Variants in VEGFD observed in about 807,000 individuals in gnomAD.
VEGFD encodes the protein vascular endothelial growth factor D, also known as c-fos induced growth factor (vascular endothelial growth factor D).
VEGFD carries 26 observed loss-of-function variants against 28.0 expected under a neutral mutation model. The observed-to-expected ratio is 0.93, with a 90% CI of 0.68 to 1.29. The LOEUF (loss-of-function observed/expected upper bound fraction) is 1.29. Ranked by LOEUF, VEGFD falls within the 50% of genes most tolerant of loss-of-function variation. The pLI is 0.00. For missense variants in VEGFD, 294 were observed against 273.4 expected (o/e 1.08, Z -0.53); for synonymous variants, 93 against 95.5 (o/e 0.97, Z 0.15).
At chrX:15,355,663 A>G (rs753928459) in intron 3 of VEGFD, among the ~76,000 whole-genome samples, 1 of 112,603 alleles carries the variant, frequency 8.9e-6, no homozygotes, top group Non-Finnish European at 1.9e-5. Context: ...TCTCTATTGA[A>G]GAAATATAGT....
Position 15,355,768 on chromosome X carries a change from G to A in VEGFD, c.493-470C>T, listed in dbSNP as rs1033029977. Among the ~76,000 whole-genome samples the A allele has an allele frequency of 2.7e-5, 3 of 112,147 alleles. No homozygotes were observed. In the Admixed American group the frequency reaches 2.8e-4, roughly 11 times the overall value. ...AGAAGTACAAATTTGAACTGTGCAT[G>A]TTTTATGGGGCTTGTTTTCTCAAAC... On this transcript the variant is annotated intron_variant, in intron 3 of 6. Coordinates refer to ENST00000297904, the MANE Select transcript of VEGFD (RefSeq NM_004469.5).
rs759361308 is a variant in VEGFD at position 15,363,165 on chromosome X, G to A, written c.245C>T (p.Ala82Val). Reference protein sequence around the residue: ...KSFTSMDSRSASHRSTRFAAT... With the variant: ...KSFTSMDSRSVSHRSTRFAAT... ...CGCAAACCTAGTGGACCGATGGGAT[G>A]CTGAGCGAGAGTCCATACTGGTAAA... The change falls in exon 2 of 7, where the codon GCA becomes GTA. Residue 82 changes from alanine to valine, a missense_variant. By Grantham distance (64) the Ala-to-Val change is moderately conservative (BLOSUM62 0). Coordinates refer to ENST00000297904, the MANE Select transcript of VEGFD (RefSeq NM_004469.5). 1.7e-6 allele frequency: 2 copies of A among 1,211,402 alleles called. No homozygotes were observed. The highest frequency in any genetic ancestry group is 2.2e-6 in the Non-Finnish European group (2 of 895,381).
intron 3 of VEGFD, among the ~76,000 whole-genome samples, chrX:15,356,596 G>A (rs1922873356): frequency 8.9e-6 from 1 of 111,938 alleles, no homozygotes; most frequent in Admixed American, 9.5e-5. Context: ...GAGTCTCAGT[G>A]AGAGTGTTTT....
At chrX:15,380,681 T>A (rs1163767443) in intron 1 of VEGFD, among the ~76,000 whole-genome samples, 1 of 113,027 alleles carries the variant, frequency 8.8e-6, no homozygotes, top group Non-Finnish European at 1.9e-5. Flanking sequence ...ACTCACAGAA[T>A]TTCTGGGGGA....
At chrX:15,380,542 A>C (rs894216215) in intron 1 of VEGFD, among the ~76,000 whole-genome samples, 5 of 112,849 alleles carry the variant, frequency 4.4e-5, no homozygotes, top group African/African-American at 1.6e-4. Flanking sequence ...AGAAAGAAAC[A>C]AATTCTGTCA....
chrX:15,381,529 TA>T (rs35184475), intron 1 of VEGFD, among the ~76,000 whole-genome samples: 3,584 of 86,225 alleles, frequency 0.042, 56 homozygotes, highest in South Asian at 0.16. Flanking sequence ...TTTCAAAAAG[TA>T]AAAAAAAAAA....
chrX:15,383,810 G>T, intron 1 of VEGFD, 47 bp downstream of exon 1: 1 of 984,780 alleles, frequency 1.0e-6, no homozygotes, highest in Non-Finnish European at 1.4e-6. Context: ...TCCTCTGTAT[G>T]AGCCAATAAA....
chrX:15,372,156 T>C (rs755317792), intron 1 of VEGFD, among the ~76,000 whole-genome samples: 1 of 112,101 alleles, frequency 8.9e-6, no homozygotes, highest in African/African-American at 3.2e-5. Flanking sequence ...AAGATATTTG[T>C]AAATAGAATC....
intron 4 of VEGFD, among the ~76,000 whole-genome samples, chrX:15,354,539 C>T (rs145113779): frequency 0.066 from 7,386 of 111,236 alleles, 261 homozygotes; most frequent in Non-Finnish European, 0.1. Context: ...TATATTAAAT[C>T]CTTTTTTTTC....
At chrX:15,358,243 G>A in intron 2 of VEGFD, 50 bp from the exon 3 acceptor site, 4 of 1,064,177 alleles carry the variant, frequency 3.8e-6, no homozygotes, top group South Asian at 2.2e-5. Flanking sequence ...AATGGTCCTG[G>A]TGTGCCAACA....
At chrX:15,359,641 G>A (rs1015601225) in intron 2 of VEGFD, among the ~76,000 whole-genome samples, 1 of 110,474 alleles carries the variant, frequency 9.1e-6, no homozygotes, top group Non-Finnish European at 1.9e-5. Flanking sequence ...GAGAACATGC[G>A]GTGTTTGGTT....
At chrX:15,370,482 A>T (rs1289345210) in intron 1 of VEGFD, among the ~76,000 whole-genome samples, 4 of 111,974 alleles carry the variant, frequency 3.6e-5, no homozygotes, top group Non-Finnish European at 7.5e-5. Context: ...AGACTATATT[A>T]TTTATGAACA....
intron 5 of VEGFD, 146 bp from the exon 6 acceptor site, chrX:15,347,505 A>G: frequency 2.6e-6 from 1 of 383,146 alleles, no homozygotes; most frequent in East Asian, 4.2e-5. Context: ...ATTTTTTCAC[A>G]GGGTGAGGAA....
intron 5 of VEGFD, among the ~76,000 whole-genome samples, chrX:15,351,620 A>G (rs1045310792): frequency 8.9e-6 from 1 of 112,282 alleles, no homozygotes; most frequent in African/African-American, 3.2e-5. Context: ...TAATGAGTTG[A>G]TGCTCTTGAG....
chrX:15,365,995 A>T (rs992339761), intron 1 of VEGFD, among the ~76,000 whole-genome samples: 3 of 109,131 alleles, frequency 2.7e-5, no homozygotes, highest in African/African-American at 1.0e-4. Context: ...TATTCTTCCT[A>T]GTTTGTTTGT....
Position 15,346,119 on chromosome X carries a change from C to A in VEGFD, c.*14G>T, listed in dbSNP as rs1157360228. 1 of 1,206,938 alleles carries A rather than the reference C, an allele frequency of 8.3e-7. No individual in the cohort carries two copies. Among genetic ancestry groups the A allele is most frequent in the African/African-American group, 1.7e-5 (1 of 57,686 alleles). On this transcript the variant is annotated 3_prime_UTR_variant, in exon 7 of 7. Coordinates refer to ENST00000297904, the MANE Select transcript of VEGFD (RefSeq NM_004469.5). ...TGTTAAAAATGACAGGGATGGGGAA[C>A]TTGGAACGCTGAATCAAGGATTCTT...
At chrX:15,379,833 C>T (rs1222653853) in intron 1 of VEGFD, among the ~76,000 whole-genome samples, 1 of 111,676 alleles carries the variant, frequency 9.0e-6, no homozygotes, top group African/African-American at 3.3e-5. Context: ...ATTCTCATTC[C>T]AGAAATTGTC....
chrX:15,353,474 T>A, intron 4 of VEGFD, among the ~76,000 whole-genome samples: 1 of 112,688 alleles, frequency 8.9e-6, no homozygotes, highest in Non-Finnish European at 1.9e-5. Context: ...GTGCGGTGGC[T>A]CACGCCTGTA....
At chrX:15,346,866 G>A (rs1922563379) in intron 6 of VEGFD, among the ~76,000 whole-genome samples, 1 of 110,803 alleles carries the variant, frequency 9.0e-6, no homozygotes, top group African/African-American at 3.3e-5. Context: ...GAGAGACGGA[G>A]GTTGCAGTGA....
Sources: gnomAD v4.1 joint callset for allele counts (sites outside exome capture counted in the v4.1 genomes callset) on GRCh38, gnomAD v4.1.1 for gene constraint, MANE v1.5 for transcripts, NCBI Gene and HGNC (gene_info 2026-07-23, HGNC 2026-07-21) for gene names.